CRACR2A: variants seen among roughly 807,000 people sequenced by gnomAD.
CRACR2A encodes EF-hand calcium-binding domain-containing protein 4B.
CRACR2A carries 79 observed loss-of-function variants against 90.5 expected under a neutral mutation model. That is an observed-to-expected ratio of 0.87 (90% CI 0.73 to 1.05). The LOEUF (loss-of-function observed/expected upper bound fraction) is 1.05. Among genes scored for constraint, CRACR2A ranks in the 50% least tolerant of loss-of-function variants. The pLI, the probability that CRACR2A is intolerant of heterozygous loss-of-function variation, is 0.00. For synonymous variants in CRACR2A, 338 were observed against 356.7 expected, an observed-to-expected ratio of 0.95 and a Z score of 0.59; for missense variants, 823 against 897.2, an observed-to-expected ratio of 0.92 and a Z score of 1.06.
chr12:3,715,177 C>T (rs139622903), intron 2 of CRACR2A, among the ~76,000 whole-genome samples: 55 of 152,326 alleles, frequency 3.6e-4, no homozygotes, highest in African/African-American at 1.2e-3. Flanking sequence ...ATAGGTCTCC[C>T]AGTGGGTTGG....
chr12:3,651,063 A>C (rs1463997160), intron 10 of CRACR2A, among the ~76,000 whole-genome samples: 1 of 152,258 alleles, frequency 6.6e-6, no homozygotes, highest in Non-Finnish European at 1.5e-5. Context: ...CATGGGTAAT[A>C]TGTAAACTGA....
chr12:3,698,668 C>A (rs56340440), intron 3 of CRACR2A, among the ~76,000 whole-genome samples: 15,208 of 152,290 alleles, frequency 0.1, 836 homozygotes, highest in African/African-American at 0.13. Flanking sequence ...TGTGTGTGAA[C>A]TGACCATCAC....
intron 3 of CRACR2A, among the ~76,000 whole-genome samples, chr12:3,706,775 A>C (rs1296882815): frequency 6.6e-6 from 1 of 151,908 alleles, no homozygotes; most frequent in Non-Finnish European, 1.5e-5. Context: ...TAATTTTTTT[A>C]TCACTTTTAG....
At chr12:3,724,801 G>A (rs1946236428) in intron 2 of CRACR2A, among the ~76,000 whole-genome samples, 1 of 152,146 alleles carries the variant, frequency 6.6e-6, no homozygotes, top group African/African-American at 2.4e-5. Context: ...TACATTGATG[G>A]ACAACAGAAC....
chr12:3,648,221 A>T (rs1414526714), intron 11 of CRACR2A: 1 of 1,215,558 alleles, frequency 8.2e-7, no homozygotes, highest in East Asian at 3.3e-5. Flanking sequence ...TTTCTAGCAT[A>T]GATTAAATGC....
At chr12:3,641,567 G>A (rs770265765) in intron 13 of CRACR2A, among the ~76,000 whole-genome samples, 165 bp downstream of exon 13, 6 of 152,208 alleles carry the variant, frequency 3.9e-5, no homozygotes, top group Non-Finnish European at 8.8e-5. Context: ...TGGCTTAGAT[G>A]TCAGAACAGG....
chr12:3,750,023 G>A lies in CRACR2A; in HGVS notation c.-387+2992C>T, dbSNP rs149287835. The stretch of plus-strand genomic sequence containing the variant: ...GCAATCTCAGCTCACTGCAAACACC[G>A]CCTCCCGGGTTCAACCAATTCTCCT... On this transcript the variant is annotated intron_variant, in intron 1 of 19. Transcript: ENST00000440314. Among the ~76,000 whole-genome samples the A allele has an allele frequency of 1.5e-4, 23 of 151,770 alleles. No individual in the cohort carries two copies. In the East Asian group the frequency reaches 4.5e-3, roughly 29 times the overall value.
chr12:3,692,770 GA>G (rs1437665269), intron 4 of CRACR2A, among the ~76,000 whole-genome samples: 1 of 152,152 alleles, frequency 6.6e-6, no homozygotes, highest in Non-Finnish European at 1.5e-5. Flanking sequence ...TTGGGGGCCA[GA>G]GGCCCCTGTG....
chr12:3,617,040 T>C lies in CRACR2A; in HGVS notation c.2035-10A>G. 6.5e-7 allele frequency: 1 copy of C among 1,548,618 alleles called. No individual in the cohort carries two copies. Among genetic ancestry groups the C allele is most frequent in the Non-Finnish European group, 8.7e-7 (1 of 1,144,248 alleles). On this transcript the variant is annotated splice_polypyrimidine_tract_variant and intron_variant, in intron 18 of 19. Transcript: ENST00000440314. ...AGATCAGATTGTTCTCCTAGAATCA[T>C]AAAACAGAGCGAATACAAGAGTATT...
At chr12:3,656,178 T>C in intron 9 of CRACR2A, 133 bp downstream of exon 9, 2 of 751,272 alleles carry the variant, frequency 2.7e-6, no homozygotes, top group Non-Finnish European at 2.2e-6. Context: ...TGCTATCTTT[T>C]GCGCGACTAA....
chr12:3,678,905 C>T lies in CRACR2A; in HGVS notation c.524+10G>A. On this transcript the variant is annotated intron_variant, in intron 6 of 19. Transcript: ENST00000440314. ...TGGTCTCCGTTCTACAAATCACTGT[C>T]ACCACTTACTCTTCCAACACCTTTT... 6.3e-7 allele frequency: 1 copy of T among 1,593,642 alleles called. No individual in the cohort carries two copies. Among genetic ancestry groups the T allele is most frequent in the Non-Finnish European group, 8.5e-7 (1 of 1,171,314 alleles).
At chr12:3,693,953 G>A (rs1305395267) in intron 4 of CRACR2A, among the ~76,000 whole-genome samples, 2 of 152,168 alleles carry the variant, frequency 1.3e-5, no homozygotes, top group Non-Finnish European at 2.9e-5. Context: ...TGGTGGTTGA[G>A]GGGTCTCCTC....
At chr12:3,718,436 G>A (rs541137475) in intron 2 of CRACR2A, among the ~76,000 whole-genome samples, 2 of 152,194 alleles carry the variant, frequency 1.3e-5, no homozygotes, top group Non-Finnish European at 2.9e-5. Flanking sequence ...GCCTTGGGGG[G>A]ATGGCAGAGT....
intron 1 of CRACR2A, among the ~76,000 whole-genome samples, chr12:3,751,974 T>C (rs554554834): frequency 4.6e-5 from 7 of 152,206 alleles, no homozygotes; most frequent in Non-Finnish European, 8.8e-5. Flanking sequence ...AAATGCTGAT[T>C]CCACGTGGAG....
chr12:3,734,365 G>A (rs973534796), intron 1 of CRACR2A, among the ~76,000 whole-genome samples: 9 of 152,078 alleles, frequency 5.9e-5, no homozygotes, highest in Admixed American at 1.3e-4. Flanking sequence ...CAGACACTTT[G>A]CTGGGCTCCC....
At chr12:3,622,077 C>G (rs1467161697) in intron 17 of CRACR2A, among the ~76,000 whole-genome samples, 7 of 152,146 alleles carry the variant, frequency 4.6e-5, no homozygotes, top group Non-Finnish European at 1.5e-5. Flanking sequence ...AAACTTTACA[C>G]CTTTCTCATA....
chr12:3,669,967 A>C (rs1945211937), intron 7 of CRACR2A, among the ~76,000 whole-genome samples: 1 of 152,222 alleles, frequency 6.6e-6, no homozygotes, highest in Non-Finnish European at 1.5e-5. Context: ...ATTAGAGGCT[A>C]TGCTGCCCAT....
Position 3,711,034 on chromosome 12 carries a change from A to G in CRACR2A, c.-37+2203T>C, listed in dbSNP as rs1472556525. Among the ~76,000 whole-genome samples the G allele has an allele frequency of 1.3e-5, 2 of 152,134 alleles. No individual in the cohort carries two copies. The highest frequency in any genetic ancestry group is 1.3e-4 in the Admixed American group (2 of 15,276). ...TGCAAAATACACTCGTTCCATTCCA[A>G]CAGCCTCAAAAGTCTCAACTCGTTC... On this transcript the variant is annotated intron_variant, in intron 3 of 19. Coordinates refer to ENST00000440314, the MANE Select transcript of CRACR2A (RefSeq NM_001144958.2). This position sits in a 1 kb window ranked among gnomAD's most constrained non-coding sequence, Gnocchi z 4.3.
chr12:3,680,974 G>A (rs762152271), intron 4 of CRACR2A, among the ~76,000 whole-genome samples: 1 of 152,230 alleles, frequency 6.6e-6, no homozygotes, highest in African/African-American at 2.4e-5. Flanking sequence ...GCCCCTCAAG[G>A]AAGTACGTGG....
Sources: gnomAD v4.1 joint callset for allele counts (sites outside exome capture counted in the v4.1 genomes callset) on GRCh38, gnomAD v4.1.1 for gene constraint, Gnocchi (gnomAD v3.1) non-coding constraint, MANE v1.5 for transcripts, NCBI Gene and HGNC (gene_info 2026-07-23, HGNC 2026-07-21) for gene names.